The following CSGALNACT1 variants were observed in gnomAD, a reference collection of about 807,000 sequenced individuals.
CSGALNACT1 encodes beta4GalNAcT-1.
Under a neutral mutation model 51.0 loss-of-function variants are expected in CSGALNACT1, and 52 were observed. That is an observed-to-expected ratio of 1.02 (90% CI 0.82 to 1.29). The LOEUF is 1.29. Ranked by LOEUF, CSGALNACT1 falls within the 50% of genes most tolerant of loss-of-function variation. The pLI, the probability that CSGALNACT1 is intolerant of heterozygous loss-of-function variation, is 0.00. For missense variants in CSGALNACT1, 935 were observed against 679.2 expected, an observed-to-expected ratio of 1.38 and a Z score of -4.19; for synonymous variants, 341 against 254.4, an observed-to-expected ratio of 1.34 and a Z score of -3.24.
intron 3 of CSGALNACT1, among the ~76,000 whole-genome samples, chr8:19,546,361 T>C (rs2086467077): frequency 6.6e-6 from 1 of 152,138 alleles, no homozygotes; most frequent in Non-Finnish European, 1.5e-5. Context: ...ACAATACCCA[T>C]CTGTCAATCT....
intron 1 of CSGALNACT1, among the ~76,000 whole-genome samples, chr8:19,693,543 T>C (rs1362305240): frequency 6.6e-6 from 1 of 152,172 alleles, no homozygotes; most frequent in Non-Finnish European, 1.5e-5. Context: ...CCTCCTCTCA[T>C]GTCTTCAATC....
upstream of CSGALNACT1, among the ~76,000 whole-genome samples, chr8:19,606,767 T>G (rs2051430827): frequency 6.6e-6 from 1 of 152,184 alleles, no homozygotes; most frequent in Non-Finnish European, 1.5e-5. Flanking sequence ...GATAACAAAA[T>G]TATGCTACTA....
chr8:19,634,617 G>A (rs1366563973), intron 1 of CSGALNACT1, among the ~76,000 whole-genome samples: 2 of 152,172 alleles, frequency 1.3e-5, no homozygotes, highest in South Asian at 2.1e-4. Flanking sequence ...AGCCATGATT[G>A]CACCACTGTA....
intron 1 of CSGALNACT1, among the ~76,000 whole-genome samples, chr8:19,637,949 G>A (rs149804663): frequency 6.2e-4 from 95 of 152,118 alleles, no homozygotes; most frequent in African/African-American, 2.1e-3. Context: ...GTCAGCTGGA[G>A]CAGATCTCAG....
At chr8:19,551,240 G>A (rs2975434) in intron 3 of CSGALNACT1, among the ~76,000 whole-genome samples, 118 of 152,224 alleles carry the variant, frequency 7.8e-4, no homozygotes, top group African/African-American at 2.6e-3. Flanking sequence ...ACAGCAGTCT[G>A]AGTAGGAAAG....
At chr8:19,701,950 T>C (rs146017996) in intron 1 of CSGALNACT1, among the ~76,000 whole-genome samples, 3 of 152,318 alleles carry the variant, frequency 2.0e-5, no homozygotes, top group African/African-American at 7.2e-5. Context: ...TTAATGAAAA[T>C]TCTTATTATA....
intron 2 of CSGALNACT1, among the ~76,000 whole-genome samples, chr8:19,599,597 A>G (rs2049956570): frequency 2.6e-5 from 4 of 152,104 alleles, no homozygotes; most frequent in Admixed American, 2.6e-4. Flanking sequence ...AGGAGGAAGG[A>G]AAGAAGGAAA....
intron 4 of CSGALNACT1, among the ~76,000 whole-genome samples, chr8:19,504,238 G>C (rs777616845): frequency 1.3e-5 from 2 of 152,032 alleles, no homozygotes; most frequent in African/African-American, 4.8e-5. Flanking sequence ...CACCAGGCCC[G>C]GCTAATTTTT....
At chr8:19,699,675 A>G (rs1238591720) in intron 1 of CSGALNACT1, among the ~76,000 whole-genome samples, 1 of 152,206 alleles carries the variant, frequency 6.6e-6, no homozygotes, top group East Asian at 1.9e-4. Context: ...TACAGTTTCA[A>G]TTTTGCAAGA....
intron 3 of CSGALNACT1, among the ~76,000 whole-genome samples, chr8:19,514,298 C>A (rs2079050797): frequency 6.6e-6 from 1 of 151,670 alleles, no homozygotes; most frequent in Non-Finnish European, 1.5e-5. Context: ...AGCTACTTAG[C>A]ACAGGTACTG....
At chr8:19,499,311 T>G (rs2076022118) in intron 4 of CSGALNACT1, among the ~76,000 whole-genome samples, 1 of 152,158 alleles carries the variant, frequency 6.6e-6, no homozygotes, top group Non-Finnish European at 1.5e-5. Context: ...TTTTAAAGTG[T>G]CTGCATCTAC....
At chr8:19,408,823 C>G in intron 8 of CSGALNACT1, 129 bp from the exon 8 acceptor site, 1 of 781,824 alleles carries the variant, frequency 1.3e-6, no homozygotes, top group South Asian at 1.4e-5. Context: ...TCCACTGGTG[C>G]AGGAAACGCA....
chr8:19,633,140 T>C (rs1263946514), intron 1 of CSGALNACT1, among the ~76,000 whole-genome samples: 2 of 152,006 alleles, frequency 1.3e-5, no homozygotes, highest in Non-Finnish European at 2.9e-5. Flanking sequence ...TTTAAACATT[T>C]CCAGTGAGGG....
intron 3 of CSGALNACT1, among the ~76,000 whole-genome samples, chr8:19,573,432 CATG>C (rs2043448876): frequency 6.6e-6 from 1 of 151,994 alleles, no homozygotes; most frequent in South Asian, 2.1e-4. Flanking sequence ...TCACTTAAGT[CATG>C]AAATATTCCA....
At position 19,751,251 on chromosome 8, in the gene CSGALNACT1, C is replaced by A. The variant is rs1384893196; in HGVS notation, c.-297+6599G>T. 1.3e-5 allele frequency among the ~76,000 whole-genome samples: 2 copies of A among 152,092 alleles called. 1 individual carries two copies. On this transcript the variant is annotated intron_variant, in intron 1 of 1. Transcript: ENST00000517494. ...CTTACTAGCTGACCTTGACTTGCTT[C>A]CTAAATCTTAGCGTTCTCATCCGTA... is the stretch of plus-strand genomic sequence containing the variant.
chr8:19,560,057 C>G lies in CSGALNACT1; in HGVS notation c.-297+31103G>C, dbSNP rs143761294. Among the ~76,000 whole-genome samples, 121 of 152,298 alleles carry G rather than the reference C, an allele frequency of 7.9e-4. 1 individual carries two copies. Among genetic ancestry groups the G allele is most frequent in the African/African-American group, 2.8e-3 (117 of 41,564 alleles). ...AATAGACAAACGGCACTGACTAGAA[C>G]ACTTGGAAATAGACCCCCACTTATA... is the stretch of plus-strand genomic sequence containing the variant. On this transcript the variant is annotated intron_variant, in intron 3 of 9. Coordinates refer to ENST00000454498, the Ensembl canonical transcript of CSGALNACT1.
At chr8:19,664,842 T>C (rs1319057705) in intron 1 of CSGALNACT1, among the ~76,000 whole-genome samples, 1 of 152,202 alleles carries the variant, frequency 6.6e-6, no homozygotes, top group Non-Finnish European at 1.5e-5. Flanking sequence ...ATAATGTATA[T>C]ACATGGATAC....
chr8:19,474,743 C>G (rs1444424122), intron 4 of CSGALNACT1, among the ~76,000 whole-genome samples: 1 of 151,852 alleles, frequency 6.6e-6, no homozygotes, highest in South Asian at 2.1e-4. Context: ...TGGCACAGGC[C>G]TGTAATCCCA....
intron 1 of CSGALNACT1, among the ~76,000 whole-genome samples, chr8:19,745,302 C>A (rs1247131922): frequency 1.3e-5 from 2 of 152,156 alleles, no homozygotes; most frequent in Non-Finnish European, 1.5e-5. Flanking sequence ...TACAATGATA[C>A]CCATATCCAC....
Sources: allele counts gnomAD v4.1 joint callset (sites outside exome capture counted in the v4.1 genomes callset), GRCh38; gene constraint gnomAD v4.1.1; transcripts MANE v1.5; gene names NCBI Gene and HGNC (gene_info 2026-07-23, HGNC 2026-07-21).